MAP3K9: variants seen among roughly 807,000 people sequenced by gnomAD.
MAP3K9 encodes the protein mitogen-activated protein kinase kinase kinase 9.
A neutral mutation model predicts 95.8 loss-of-function variants in MAP3K9; 46 were observed. The ratio of observed to expected loss-of-function variants is 0.48; its 90% confidence interval spans 0.38 to 0.61. MAP3K9 has a LOEUF of 0.61. Ranked by LOEUF, MAP3K9 falls within the 20% of genes least tolerant of loss-of-function variation. The pLI is 0.00. For synonymous variants in MAP3K9, 533 were observed against 593.8 expected (o/e 0.90, Z 1.49); for missense variants, 1,296 against 1,474.3 (o/e 0.88, Z 1.98).
At chr14:70,797,417 AAATAAT>A (rs10624095) in intron 2 of MAP3K9, among the ~76,000 whole-genome samples, 13 of 149,526 alleles carry the variant, frequency 8.7e-5, no homozygotes, top group Admixed American at 2.7e-4. Flanking sequence ...ATCTCTATTA[AAATAAT>A]AATAATAATA....
intron 3 of MAP3K9, among the ~76,000 whole-genome samples, chr14:70,754,777 G>A (rs2054275857): frequency 2.0e-5 from 3 of 152,096 alleles, no homozygotes; most frequent in Non-Finnish European, 4.4e-5. Flanking sequence ...AGCCACTATT[G>A]TAATTTTTTA....
In MAP3K9 at chr14:70,733,191, C is replaced by T. The variant is rs1419840365; in HGVS notation, c.2178G>A (p.Ser726=). Residue 726 remains serine, a synonymous_variant, in exon 11 of 12, where the codon TCG becomes TCA. Coordinates refer to ENST00000554752, the MANE Select transcript of MAP3K9 (RefSeq NM_001284230.2). ...GCGTCAGCTGAGGGGTACTCGTGGCCGAGTTGACTGGGGTGGGCTCCTCAT... is the reference window on the plus strand; with the variant it reads ...GCGTCAGCTGAGGGGTACTCGTGGCTGAGTTGACTGGGGTGGGCTCCTCAT... ...GIHEEPTPVN[S]ATSTPQLTPT... 7.5e-6 allele frequency: 12 copies of T among 1,610,174 alleles called. No individual in the cohort carries two copies. The highest frequency in any genetic ancestry group is 1.6e-4 in the Middle Eastern group (1 of 6,070).
intron 4 of MAP3K9, 79 bp from the exon 5 acceptor site, chr14:70,749,083 C>T (rs1002045939): frequency 1.3e-5 from 17 of 1,359,306 alleles, no homozygotes; most frequent in Non-Finnish European, 1.6e-5. Flanking sequence ...TACATGGCCT[C>T]ACTTCCCAGA....
At chr14:70,730,890 C>A in intron 11 of MAP3K9, 26 bp from the exon 12 acceptor site, 3 of 1,581,582 alleles carry the variant, frequency 1.9e-6, no homozygotes, top group Non-Finnish European at 2.6e-6. Context: ...AAAGGAGAAG[C>A]ATCAGATGAG....
At chr14:70,789,943 G>A (rs1178285199) in intron 2 of MAP3K9, among the ~76,000 whole-genome samples, 1 of 152,186 alleles carries the variant, frequency 6.6e-6, no homozygotes, top group Non-Finnish European at 1.5e-5. Context: ...ACCTGGAAAA[G>A]CCCTATGTTG....
In MAP3K9 at chr14:70,730,587, A is replaced by C. The variant is rs771868006; in HGVS notation, c.3108T>G (p.Phe1036Leu). 2 of 1,614,068 alleles carry C rather than the reference A, an allele frequency of 1.2e-6. No homozygotes were observed. The highest frequency in any genetic ancestry group is 1.7e-6 in the Non-Finnish European group (2 of 1,180,042). ...CCTCTACAGTGCTGCTACTGCTAGC[A>C]AAGCAGGAGTCCAGGTTGCTGGGCG... ...TETPSNLDSCFASSSSTVEER... is the reference protein window; with the variant it reads ...TETPSNLDSCLASSSSTVEER... The change falls in exon 12 of 12, where the codon TTT (phenylalanine) becomes TTG (leucine). Residue 1036 changes from phenylalanine (F) to leucine (L), a missense_variant. Physicochemically the swap from Phe to Leu is conservative, Grantham distance 22. Around this residue, in one of 5 missense-constraint regions of MAP3K9, gnomAD observed 433 missense variants for 441.4 expected, o/e 0.98. Coordinates refer to ENST00000554752, the MANE Select transcript of MAP3K9 (RefSeq NM_001284230.2).
chr14:70,786,445 T>C (rs1487913771), intron 2 of MAP3K9, among the ~76,000 whole-genome samples: 1 of 152,156 alleles, frequency 6.6e-6, no homozygotes, highest in Admixed American at 6.5e-5. Context: ...TTCCTAAAAA[T>C]TGTACCACCT....
At chr14:70,752,040 T>C (rs2054235609) in intron 3 of MAP3K9, among the ~76,000 whole-genome samples, 1 of 152,222 alleles carries the variant, frequency 6.6e-6, no homozygotes, top group South Asian at 2.1e-4. Flanking sequence ...TATTCATTCA[T>C]CAGATGACGG....
intron 8 of MAP3K9, among the ~76,000 whole-genome samples, chr14:70,736,231 G>A (rs893486113): frequency 3.9e-5 from 6 of 152,092 alleles, no homozygotes; most frequent in African/African-American, 1.2e-4. Flanking sequence ...AAGATCCCTG[G>A]GCAGCTGCAG....
chr14:70,738,104 CTG>C (rs1471437476), intron 8 of MAP3K9, 139 bp downstream of exon 8: 2 of 970,574 alleles, frequency 2.1e-6, no homozygotes, highest in African/African-American at 1.7e-5. Context: ...GGGTGAAAAA[CTG>C]TTGTAAAGAT....
In MAP3K9 at chr14:70,733,020, A is replaced by T. The variant is rs1233158304; in HGVS notation, c.2349T>A (p.Pro783=). 1 of 1,614,170 alleles carries T rather than the reference A, an allele frequency of 6.2e-7. No individual in the cohort carries two copies. Among genetic ancestry groups the T allele is most frequent in the Admixed American group, 1.7e-5 (1 of 60,024 alleles). Residue 783 remains proline (P), a synonymous_variant, in exon 11 of 12, where the codon CCT becomes CCA. Transcript: ENST00000554752. The part of the protein sequence containing the change: ...GKCQLLPLEE[P]EPPAREEKKR... ...TCTTCTCCTCCCGGGCTGGTGGCTCAGGCTCCTCCAGGGGAAGCAGCTGGC... is the reference window on the plus strand; with the variant it reads ...TCTTCTCCTCCCGGGCTGGTGGCTCTGGCTCCTCCAGGGGAAGCAGCTGGC...
At chr14:70,739,031 A>G (rs541762633) in intron 7 of MAP3K9, among the ~76,000 whole-genome samples, 5 of 152,350 alleles carry the variant, frequency 3.3e-5, no homozygotes, top group Admixed American at 3.3e-4. Flanking sequence ...GAGGCAAAAT[A>G]TGGAGTATAC....
intron 2 of MAP3K9, among the ~76,000 whole-genome samples, chr14:70,767,529 G>A (rs544844200): frequency 1.3e-3 from 198 of 152,206 alleles, no homozygotes; most frequent in African/African-American, 4.7e-3. Flanking sequence ...GGCACTGGGA[G>A]GAGACTAGAG....
intron 2 of MAP3K9, among the ~76,000 whole-genome samples, chr14:70,793,503 A>T (rs996179825): frequency 6.6e-6 from 1 of 152,192 alleles, no homozygotes; most frequent in Admixed American, 6.5e-5. Context: ...CCTGGGCAAC[A>T]CGGCGAGACC....
chr14:70,776,492 C>T (rs2054600830), intron 2 of MAP3K9, among the ~76,000 whole-genome samples: 1 of 152,116 alleles, frequency 6.6e-6, no homozygotes, highest in South Asian at 2.1e-4. Context: ...CATGCCTCAT[C>T]CTCTACATGG....
chr14:70,761,407 G>C (rs1372963925), intron 2 of MAP3K9, among the ~76,000 whole-genome samples: 2 of 152,088 alleles, frequency 1.3e-5, no homozygotes, highest in African/African-American at 4.8e-5. Flanking sequence ...CAACTTACAA[G>C]GCAGGTACTA....
chr14:70,758,167 G>C (rs111312757), intron 3 of MAP3K9, among the ~76,000 whole-genome samples: 5 of 151,954 alleles, frequency 3.3e-5, no homozygotes, highest in Admixed American at 6.6e-5. Flanking sequence ...GAATAGAAAG[G>C]ACTCTTTCAG....
chr14:70,798,896 G>T (rs531553009), intron 2 of MAP3K9, among the ~76,000 whole-genome samples: 1 of 152,236 alleles, frequency 6.6e-6, no homozygotes, highest in African/African-American at 2.4e-5. Flanking sequence ...GATTTTTTAC[G>T]TAACTTAAAT....
chr14:70,764,086 T>C lies in MAP3K9; in HGVS notation c.821-2904A>G, dbSNP rs1445237306. 9.1e-5 allele frequency among the ~76,000 whole-genome samples: 13 copies of C among 142,200 alleles called. No individual in the cohort carries two copies. The East Asian group carries it at 2.7e-3, about 29-fold the overall frequency. 93.3% of individuals were successfully genotyped at this position (142,200 alleles called of 152,430 possible). A position where few individuals can be genotyped will look rare whatever the true frequency, so the allele number is the denominator to read the frequency against. On this transcript the variant is annotated intron_variant, in intron 2 of 11. Transcript: ENST00000554752. ...TTGTAGACCCAGCTACTCGGGAGGC[T>C]GAGGCAGGAGAATGGCGTGAACCCG... is the stretch of plus-strand genomic sequence containing the variant.
Sources: allele counts gnomAD v4.1 joint callset (sites outside exome capture counted in the v4.1 genomes callset), GRCh38; gene constraint gnomAD v4.1.1; regional missense constraint gnomAD v4.1.1; transcripts MANE v1.5; gene names NCBI Gene and HGNC (gene_info 2026-07-23, HGNC 2026-07-21).